Variants in PRAMEF12 observed in about 807,000 individuals in gnomAD.
PRAMEF12 encodes PRAME family member 12.
In PRAMEF12, 24 loss-of-function variants were observed where a neutral mutation model predicts 24.6. The ratio of observed to expected loss-of-function variants is 0.98; its 90% confidence interval spans 0.71 to 1.37. The LOEUF (loss-of-function observed/expected upper bound fraction) is 1.37, where lower values mean the gene tolerates loss of function less well. Among genes scored for constraint, PRAMEF12 ranks in the 40% most tolerant of loss-of-function variants. The pLI is 0.00. For synonymous variants in PRAMEF12, 286 were observed against 242.6 expected (o/e 1.18, Z -1.66); for missense variants, 646 against 580.3 (o/e 1.11, Z -1.16).
chr1:12,774,282 G>A lies in PRAMEF12; in HGVS notation c.-586G>A, dbSNP rs761345913. ...TTCCCCTAGATTCCATCCCAAAGTG[G>A]GTCATTGTGAGTCTGTGTAAGAGAT... On this transcript the variant is annotated 5_prime_UTR_variant, in exon 1 of 3. Coordinates refer to ENST00000357726, the MANE Select transcript of PRAMEF12 (RefSeq NM_001080830.5). Among the ~76,000 whole-genome samples, 1 of 152,014 alleles carries A rather than the reference G, an allele frequency of 6.6e-6. No homozygotes were observed. The highest frequency in any genetic ancestry group is 2.4e-5 in the African/African-American group (1 of 41,358).
chr1:12,774,905 C>G lies in PRAMEF12; in HGVS notation c.38C>G (p.Ala13Gly), dbSNP rs1464588158. ...LQAPPRLLEL[A>G]EQSLLRDRAL... The stretch of plus-strand genomic sequence containing the variant: ...GCCCCACCTAGACTCCTGGAGCTGG[C>G]TGAGCAGAGTCTGCTGAGAGACCGG... The change falls in exon 1 of 3, where the codon GCT becomes GGT. Residue 13 changes from alanine (A) to glycine (G), a missense_variant. Ala to Gly is a moderately conservative substitution (Grantham distance 60). Transcript: ENST00000357726. 1.2e-6 allele frequency: 2 copies of G among 1,613,222 alleles called. No homozygotes were observed. Among genetic ancestry groups the G allele is most frequent in the Non-Finnish European group, 1.7e-6 (2 of 1,179,500 alleles).
Position 12,777,103 on chromosome 1 carries a change from G to T in PRAMEF12, c.956G>T (p.Arg319Leu), listed in dbSNP as rs372043644. 2.5e-6 allele frequency: 4 copies of T among 1,613,942 alleles called. No homozygotes were observed. The highest frequency in any genetic ancestry group is 3.4e-6 in the Non-Finnish European group (4 of 1,179,986). ...CATCTCTCTTGGTGCCCGAGCATCC[G>T]TCAGCTAAAAGAGCTAGACCTGAGG... ...LKHLSWCPSI[R>L]QLKELDLRGI... is the part of the protein sequence containing the mutation. Residue 319 changes from arginine to leucine, a missense_variant, in exon 3 of 3, where the codon CGT becomes CTT. By Grantham distance (102) the Arg-to-Leu change is moderately radical. Coordinates refer to ENST00000357726, the MANE Select transcript of PRAMEF12 (RefSeq NM_001080830.5).
intron 2 of PRAMEF12, 132 bp from the exon 3 acceptor site, chr1:12,776,879 G>C: frequency 1.1e-6 from 1 of 947,712 alleles, no homozygotes; most frequent in African/African-American, 1.6e-5. Context: ...AATGAGCAGA[G>C]TCTCCATTCC....
chr1:12,777,715 C>T lies in PRAMEF12; in HGVS notation c.*116C>T. ...TGTGAACCGGAAAGGAAAGGGGATG[C>T]AGGAAGGGAGGGACTGGGGGAAAAG... On this transcript the variant is annotated 3_prime_UTR_variant, in exon 3 of 3. Coordinates refer to ENST00000357726, the MANE Select transcript of PRAMEF12 (RefSeq NM_001080830.5). 1 of 1,261,834 alleles carries T rather than the reference C, an allele frequency of 7.9e-7. No homozygotes were observed. Among genetic ancestry groups the T allele is most frequent in the South Asian group, 1.5e-5 (1 of 67,480 alleles). 78.2% of individuals were successfully genotyped at this position (1,261,834 alleles called of 1,614,324 possible).
Position 12,775,922 on chromosome 1 carries a change from G to A in PRAMEF12, c.667G>A (p.Ala223Thr), listed in dbSNP as rs368330234. The A allele has an allele frequency of 1.2e-5, 19 of 1,614,042 alleles. No individual in the cohort carries two copies. The highest frequency in any genetic ancestry group is 2.7e-5 in the African/African-American group (2 of 74,994). Residue 223 changes from alanine (A) to threonine (T), a missense_variant, in exon 2 of 3, where the codon GCC becomes ACC. Transcript: ENST00000357726. Reference protein sequence around the residue: ...PWELSILIRFAPYLGQMRNLR... With the variant: ...PWELSILIRFTPYLGQMRNLR... ...GGAGCTGTCCATTCTTATAAGGTTC[G>A]CCCCTTACCTGGGCCAGATGAGGAA... is the stretch of plus-strand genomic sequence containing the variant.
In PRAMEF12 at chr1:12,777,056, G is replaced by A. The variant is rs1396188798; in HGVS notation, c.909G>A (p.Leu303=). 6.2e-7 allele frequency: 1 copy of A among 1,614,004 alleles called. No individual in the cohort carries two copies. Among genetic ancestry groups the A allele is most frequent in the Non-Finnish European group, 8.5e-7 (1 of 1,179,972 alleles). The change falls in exon 3 of 3, where the codon CTG becomes CTA. Residue 303 remains leucine, a synonymous_variant. Coordinates refer to ENST00000357726, the MANE Select transcript of PRAMEF12 (RefSeq NM_001080830.5). ...AGACAGTCGTAATGACCGAATGCCT[G>A]CTGTCAGAGTCGGACCTGAAGCATC... ...PLETVVMTEC[L]LSESDLKHLS...
intron 2 of PRAMEF12, among the ~76,000 whole-genome samples, chr1:12,776,543 G>A (rs1639054739): frequency 6.6e-6 from 1 of 152,160 alleles, no homozygotes; most frequent in Non-Finnish European, 1.5e-5. Context: ...GTAAAATCCT[G>A]TGTCTCCCTC....
At chr1:12,775,418 AAG>A in intron 1 of PRAMEF12, 123 bp from the exon 2 acceptor site, 1 of 1,079,254 alleles carries the variant, frequency 9.3e-7, no homozygotes, top group African/African-American at 1.6e-5. Context: ...TTCAAGGAGA[AAG>A]AGGGATGGAG....
Position 12,777,099 on chromosome 1 carries a change from A to G in PRAMEF12, c.952A>G (p.Ile318Val). 6.2e-7 allele frequency: 1 copy of G among 1,613,916 alleles called. No individual in the cohort carries two copies. The highest frequency in any genetic ancestry group is 8.5e-7 in the Non-Finnish European group (1 of 1,179,960). ...GAAGCATCTCTCTTGGTGCCCGAGCATCCGTCAGCTAAAAGAGCTAGACCT... is the reference window on the plus strand; with the variant it reads ...GAAGCATCTCTCTTGGTGCCCGAGCGTCCGTCAGCTAAAAGAGCTAGACCT... The part of the protein sequence containing the change: ...DLKHLSWCPS[I>V]RQLKELDLRG... Residue 318 changes from isoleucine (I) to valine (V), a missense_variant, in exon 3 of 3, where the codon ATC (isoleucine) becomes GTC (valine). Physicochemically the swap from Ile to Val is conservative, Grantham distance 29. Transcript: ENST00000357726.
chr1:12,775,158 A>G lies in PRAMEF12; in HGVS notation c.287+4A>G. On this transcript the variant is annotated splice_donor_region_variant and intron_variant, in intron 1 of 2. Transcript: ENST00000357726. Reference sequence around the variant, plus strand: ...TTGCCCAGAAGGTTCGCCCCAGGTGAGGTGACCCAGCTAACCAGGTGGGGA... The same window carrying G: ...TTGCCCAGAAGGTTCGCCCCAGGTGGGGTGACCCAGCTAACCAGGTGGGGA... The G allele has an allele frequency of 6.2e-7, 1 of 1,603,990 alleles. No homozygotes were observed.
At position 12,777,749 on chromosome 1, in the gene PRAMEF12, G is replaced by T. The variant is rs916734282; in HGVS notation, c.*150G>T. On this transcript the variant is annotated 3_prime_UTR_variant, in exon 3 of 3. Coordinates refer to ENST00000357726, the MANE Select transcript of PRAMEF12 (RefSeq NM_001080830.5). ...AGGGACTGGGGGAAAAGTTGAGTTG[G>T]AGTCAATAGGAGCTTTAGAGACCTG... is the stretch of plus-strand genomic sequence containing the variant. 7.3e-6 allele frequency: 6 copies of T among 817,286 alleles called. No homozygotes were observed. The highest frequency in any genetic ancestry group is 6.9e-5 in the African/African-American group (4 of 57,602). 50.6% of individuals were successfully genotyped at this position (817,286 alleles called of 1,614,324 possible).
chr1:12,775,557 A>C lies in PRAMEF12; in HGVS notation c.302A>C (p.Gln101Pro). 6.2e-7 allele frequency: 1 copy of C among 1,609,100 alleles called. No individual in the cohort carries two copies. Among genetic ancestry groups the C allele is most frequent in the Non-Finnish European group, 8.5e-7 (1 of 1,176,878 alleles). Residue 101 changes from glutamine (Q) to proline (P), a missense_variant, in exon 2 of 3, where the codon CAA becomes CCA. By Grantham distance (76) the Gln-to-Pro change is moderately conservative. Coordinates refer to ENST00000357726, the MANE Select transcript of PRAMEF12 (RefSeq NM_001080830.5). ...QKVRPRRWKL[Q>P]VLDLRNVDEN... ...TTTACCCACAGGCGGTGGAAACTTCAAGTGTTGGACTTGCGGAATGTGGAT... is the reference window on the plus strand; with the variant it reads ...TTTACCCACAGGCGGTGGAAACTTCCAGTGTTGGACTTGCGGAATGTGGAT...
rs1189195960 is a variant in PRAMEF12, at chr1:12,774,852, C to T, written c.-16C>T. The stretch of plus-strand genomic sequence containing the variant: ...TTTGCCGTAAGAATGATGTTTTTTT[C>T]TCTAGATTCATCAGGATGAGCCTCC... On this transcript the variant is annotated 5_prime_UTR_variant, in exon 1 of 3. Transcript: ENST00000357726. The T allele has an allele frequency of 3.8e-6, 6 of 1,566,190 alleles. No homozygotes were observed. The Admixed American group carries it at 5.9e-5, about 15-fold the overall frequency.
In PRAMEF12 at chr1:12,775,823, A is replaced by G. The variant is rs1338984532; in HGVS notation, c.568A>G (p.Ile190Val). The G allele has an allele frequency of 6.2e-7, 1 of 1,613,926 alleles. No homozygotes were observed. Among genetic ancestry groups the G allele is most frequent in the Non-Finnish European group, 8.5e-7 (1 of 1,180,014 alleles). The stretch of plus-strand genomic sequence containing the variant: ...GGAGCTGCAGATTTTTGGAATAGCC[A>G]TCCACAGGATCATAGAGGTCCTGAA... ...CKELQIFGIA[I>V]HRIIEVLNTV... The change falls in exon 2 of 3, where the codon ATC becomes GTC. Residue 190 changes from isoleucine to valine, a missense_variant. Transcript: ENST00000357726.
chr1:12,775,217 C>A, intron 1 of PRAMEF12, 63 bp downstream of exon 1: 1 of 1,528,398 alleles, frequency 6.5e-7, no homozygotes, highest in South Asian at 1.3e-5. Context: ...TTAGCTGGGT[C>A]AGAAGGAGTG....
rs1279590850 is a variant in PRAMEF12, at chr1:12,777,374, G to A, written c.1227G>A (p.Glu409=). The part of the protein sequence containing the change: ...HTVGLSKLSL[E]LYPAPLESYD... ...TCGGGCTGAGCAAGCTAAGCCTGGA[G>A]CTGTATCCTGCCCCTCTGGAGAGTT... Residue 409 remains glutamate (E), a synonymous_variant, in exon 3 of 3, where the codon GAG becomes GAA. Coordinates refer to ENST00000357726, the MANE Select transcript of PRAMEF12 (RefSeq NM_001080830.5). 2 of 1,613,870 alleles carry A rather than the reference G, an allele frequency of 1.2e-6. No homozygotes were observed. The highest frequency in any genetic ancestry group is 2.2e-5 in the South Asian group (2 of 91,068).
Position 12,775,119 on chromosome 1 carries a change from G to T in PRAMEF12, c.252G>T (p.Gly84=). 6.8e-6 allele frequency: 11 copies of T among 1,613,550 alleles called. No individual in the cohort carries two copies. Among genetic ancestry groups the T allele is most frequent in the Non-Finnish European group, 9.3e-6 (11 of 1,179,670 alleles). The change falls in exon 1 of 3, where the codon GGG becomes GGT. Residue 84 remains glycine (G), a synonymous_variant. Transcript: ENST00000357726. The stretch of plus-strand genomic sequence containing the variant: ...AGATCTTTCGAGCTGTGCTGGAGGG[G>T]CTTGATGCACTGCTTGCCCAGAAGG... ...NLEIFRAVLE[G]LDALLAQKVR... is the part of the protein sequence containing the mutation.
chr1:12,777,822 C>A lies in PRAMEF12; in HGVS notation c.*223C>A. On this transcript the variant is annotated 3_prime_UTR_variant, in exon 3 of 3. Transcript: ENST00000357726. ...GAATCTGAATTGCTAGAATGAGAAT[C>A]AGGTAGGAGAGACACATGAGACAGT... is the stretch of plus-strand genomic sequence containing the variant. The A allele has an allele frequency of 1.2e-5, 7 of 597,084 alleles. No individual in the cohort carries two copies. In the South Asian group the frequency reaches 1.4e-4, roughly 12 times the overall value. The allele number at this position is 597,084 out of a possible 1,614,324, so 37.0% of individuals were successfully genotyped here.
At chr1:12,776,864 C>A (rs1639057744) in intron 2 of PRAMEF12, 147 bp from the exon 3 acceptor site, 2 of 848,796 alleles carry the variant, frequency 2.4e-6, no homozygotes, top group Admixed American at 2.4e-5. Context: ...ATTGGGTCTG[C>A]CCTGAATGAG....
Sources: allele counts gnomAD v4.1 joint callset (sites outside exome capture counted in the v4.1 genomes callset), GRCh38; gene constraint gnomAD v4.1.1; transcripts MANE v1.5; gene names NCBI Gene and HGNC (gene_info 2026-07-23, HGNC 2026-07-21).